DNAJC10: variants seen among roughly 807,000 people sequenced by gnomAD.
DNAJC10 encodes endoplasmic reticulum disulfide reductase DNAJC10.
A neutral mutation model predicts 115.0 loss-of-function variants in DNAJC10; 101 were observed. That is an observed-to-expected ratio of 0.88 (90% confidence interval 0.75 to 1.04). The LOEUF (loss-of-function observed/expected upper bound fraction) is 1.04. DNAJC10 is among the 50% of genes least tolerant of loss of function. DNAJC10 has a pLI of 0.00. For missense variants in DNAJC10, 981 were observed against 928.8 expected (o/e 1.06, Z -0.73); for synonymous variants, 307 against 301.5 (o/e 1.02, Z -0.19).
At chr2:182,755,250 T>C in intron 17 of DNAJC10, 146 bp downstream of exon 17, 2 of 627,198 alleles carry the variant, frequency 3.2e-6, no homozygotes, top group Non-Finnish European at 5.7e-6. Flanking sequence ...ATTTTTCTAA[T>C]GTTTTACTCT....
chr2:182,718,423 G>T (rs900501776), intron 3 of DNAJC10, 133 bp downstream of exon 3: 44 of 776,034 alleles, frequency 5.7e-5, no homozygotes, highest in Non-Finnish European at 8.1e-5. Flanking sequence ...TTGTATGCTA[G>T]AAACAAAAGC....
chr2:182,779,559 A>C lies in DNAJC10; in HGVS notation c.*2427A>C, dbSNP rs1333270385. 1.3e-5 allele frequency: 2 copies of C among 152,190 alleles called. No homozygotes were observed. The highest frequency in any genetic ancestry group is 4.8e-5 in the African/African-American group (2 of 41,456). The allele number at this position is 152,190 out of a possible 1,614,324, so 9.4% of individuals were successfully genotyped here. ...CAGGATTTTGAATCCAGCCTGGGCAACATAGCAAGACCCCATCTCTAATAA... is the reference window on the plus strand; with the variant it reads ...CAGGATTTTGAATCCAGCCTGGGCACCATAGCAAGACCCCATCTCTAATAA... On this transcript the variant is annotated 3_prime_UTR_variant, in exon 24 of 24. Transcript: ENST00000264065.
Position 182,783,026 on chromosome 2 carries a change from G to A in DNAJC10, c.*5894G>A, listed in dbSNP as rs1694882275. ...CTTGCAGCTTTTGCCCATTCAGTAT[G>A]ATATTGGCTGTGGTTTTGTCATAAA... On this transcript the variant is annotated 3_prime_UTR_variant, in exon 24 of 24. Transcript: ENST00000264065. 1 of 152,152 alleles carries A rather than the reference G, an allele frequency of 6.6e-6. No homozygotes were observed. Among genetic ancestry groups the A allele is most frequent in the Non-Finnish European group, 1.5e-5 (1 of 68,024 alleles). The allele number at this position is 152,152 out of a possible 1,614,324, so 9.4% of individuals were successfully genotyped here. A position where few individuals can be genotyped will look rare whatever the true frequency, so the allele number is the denominator to read the frequency against.
chr2:182,742,405 G>T (rs563445094), intron 13 of DNAJC10, among the ~76,000 whole-genome samples: 1 of 152,156 alleles, frequency 6.6e-6, no homozygotes, highest in African/African-American at 2.4e-5. Context: ...GGCCAAGCTG[G>T]CCTCGAACTC....
rs1218393020 is a variant in DNAJC10, at chr2:182,787,165, TC to T, written c.*10035del. 6.6e-6 allele frequency: 1 copy of T among 152,188 alleles called. No individual in the cohort carries two copies. Among genetic ancestry groups the T allele is most frequent in the Non-Finnish European group, 1.5e-5 (1 of 68,056 alleles). 9.4% of individuals were successfully genotyped at this position (152,188 alleles called of 1,614,324 possible). ...TATTGAAAAAAATCAGTTTTGCAGTTCCACTGGTCAGGTGAATGCCAGAGGA... is the reference window on the plus strand; with the variant it reads ...TATTGAAAAAAATCAGTTTTGCAGTTCACTGGTCAGGTGAATGCCAGAGGA... On this transcript the variant is annotated 3_prime_UTR_variant, in exon 24 of 24. Transcript: ENST00000264065.
Position 182,778,547 on chromosome 2 carries a change from G to A in DNAJC10, c.*1415G>A, listed in dbSNP as rs1036288415. The A allele has an allele frequency of 6.9e-6, 1 of 145,120 alleles. No homozygotes were observed. Among genetic ancestry groups the A allele is most frequent in the East Asian group, 2.0e-4 (1 of 5,014 alleles). The allele number at this position is 145,120 out of a possible 1,614,324, so 9.0% of individuals were successfully genotyped here. Reference sequence around the variant, plus strand: ...AATATGCTTTATTGTGTTTTGAGGAGTTTTCCTTTTTTTCTTTTCAATATC... The same window carrying A: ...AATATGCTTTATTGTGTTTTGAGGAATTTTCCTTTTTTTCTTTTCAATATC... On this transcript the variant is annotated 3_prime_UTR_variant, in exon 24 of 24. Transcript: ENST00000264065.
At position 182,767,842 on chromosome 2, in the gene DNAJC10, G is replaced by A. The variant is rs564478259; in HGVS notation, c.2265+5041G>A. Among the ~76,000 whole-genome samples the A allele has an allele frequency of 4.6e-5, 7 of 152,196 alleles. 1 individual carries two copies. Among genetic ancestry groups the A allele is most frequent in the African/African-American group, 1.7e-4 (7 of 41,544 alleles). ...TGCTCAAACTGCGTTTCAGGAGGCTGTTTTCAGCATTCCTTATCATACTAC... is the reference window on the plus strand; with the variant it reads ...TGCTCAAACTGCGTTTCAGGAGGCTATTTTCAGCATTCCTTATCATACTAC... On this transcript the variant is annotated intron_variant, in intron 22 of 23. Transcript: ENST00000264065.
At position 182,758,914 on chromosome 2, in the gene DNAJC10, T is replaced by C. The variant is rs771273820; in HGVS notation, c.1997+24T>C. On this transcript the variant is annotated intron_variant, in intron 20 of 23. Coordinates refer to ENST00000264065, the MANE Select transcript of DNAJC10 (RefSeq NM_018981.4). ...GGGTGAGTAATTAAAATATATATCA[T>C]TGTATAAAATAGATTCAAAGCCATT... The C allele has an allele frequency of 6.6e-6, 10 of 1,519,942 alleles. No individual in the cohort carries two copies. The East Asian group carries it at 2.3e-4, about 34-fold the overall frequency. 94.2% of individuals were successfully genotyped at this position (1,519,942 alleles called of 1,614,324 possible). A position where few individuals can be genotyped will look rare whatever the true frequency, so the allele number is the denominator to read the frequency against.
intron 4 of DNAJC10, among the ~76,000 whole-genome samples, chr2:182,721,227 T>G (rs866624297): frequency 6.6e-6 from 1 of 152,138 alleles, no homozygotes; most frequent in Non-Finnish European, 1.5e-5. Flanking sequence ...TTTTAGTAAA[T>G]ATGATTTTTT....
intron 16 of DNAJC10, chr2:182,752,600 G>C (rs1445869679): frequency 2.2e-6 from 2 of 928,920 alleles, no homozygotes; most frequent in African/African-American, 1.8e-5. Flanking sequence ...TGAAATCTTT[G>C]TTTAAATGAA....
intron 14 of DNAJC10, among the ~76,000 whole-genome samples, chr2:182,748,815 G>A (rs191393191): frequency 2.4e-4 from 36 of 151,994 alleles, no homozygotes; most frequent in Admixed American, 1.2e-3. Context: ...TTCCCTCTAC[G>A]CACTGCTTTG....
At position 182,729,957 on chromosome 2, in the gene DNAJC10, T is replaced by TA; in HGVS notation, c.727+18dup. On this transcript the variant is annotated intron_variant, in intron 8 of 23. Transcript: ENST00000264065. ...CTTTGGACAGGTAATTTTATTTTCT[T>TA]AATTTGCTTGATTTTCAGGGTATTT... The TA allele has an allele frequency of 6.5e-7, 1 of 1,532,094 alleles. No individual in the cohort carries two copies. The highest frequency in any genetic ancestry group is 8.9e-7 in the Non-Finnish European group (1 of 1,117,646). 94.9% of individuals were successfully genotyped at this position (1,532,094 alleles called of 1,614,324 possible).
At chr2:182,767,287 A>G (rs1286121133) in intron 22 of DNAJC10, among the ~76,000 whole-genome samples, 1 of 152,224 alleles carries the variant, frequency 6.6e-6, no homozygotes, top group Non-Finnish European at 1.5e-5. Context: ...ACCTGCTTCC[A>G]TAACCCTAAA....
At chr2:182,771,202 G>T (rs1467292835) in intron 22 of DNAJC10, among the ~76,000 whole-genome samples, 1 of 152,144 alleles carries the variant, frequency 6.6e-6, no homozygotes, top group South Asian at 2.1e-4. Flanking sequence ...GCTGGATTCA[G>T]TTTGCCAGTA....
chr2:182,744,782 T>G (rs1693820443), intron 14 of DNAJC10, among the ~76,000 whole-genome samples: 1 of 152,160 alleles, frequency 6.6e-6, no homozygotes, highest in Non-Finnish European at 1.5e-5. Flanking sequence ...CATGGTAGAT[T>G]TTGAATCCAA....
intron 5 of DNAJC10, among the ~76,000 whole-genome samples, chr2:182,722,400 A>G (rs1341838166): frequency 6.6e-6 from 1 of 152,154 alleles, no homozygotes; most frequent in Non-Finnish European, 1.5e-5. Context: ...AGAGTTTTGG[A>G]TAAAGGTATA....
chr2:182,724,946 T>C (rs1481035088), intron 5 of DNAJC10, among the ~76,000 whole-genome samples: 2 of 152,140 alleles, frequency 1.3e-5, no homozygotes, highest in East Asian at 1.9e-4. Context: ...TTGCACTTCA[T>C]AGATAATGCA....
At chr2:182,729,116 T>G in intron 7 of DNAJC10, 122 bp downstream of exon 7, 1 of 962,874 alleles carries the variant, frequency 1.0e-6, no homozygotes, top group South Asian at 1.6e-5. Flanking sequence ...AGGTGCCATC[T>G]CACTAGTCTT....
Position 182,791,924 on chromosome 2 carries a change from T to C in DNAJC10, c.*14792T>C, listed in dbSNP as rs528340212. The stretch of plus-strand genomic sequence containing the variant: ...AAGTTATGTTTTGCATTTTACAACA[T>C]ATTGAAGATACACATTTTAAATTTA... On this transcript the variant is annotated 3_prime_UTR_variant, in exon 24 of 24. Transcript: ENST00000264065. The C allele has an allele frequency of 2.0e-5, 3 of 152,320 alleles. No homozygotes were observed. Among genetic ancestry groups the C allele is most frequent in the South Asian group, 4.1e-4 (2 of 4,830 alleles). 9.4% of individuals were successfully genotyped at this position (152,320 alleles called of 1,614,324 possible). A position where few individuals can be genotyped will look rare whatever the true frequency, so the allele number is the denominator to read the frequency against.
Sources: allele counts gnomAD v4.1 joint callset (sites outside exome capture counted in the v4.1 genomes callset), GRCh38; gene constraint gnomAD v4.1.1; transcripts MANE v1.5; gene names NCBI Gene and HGNC (gene_info 2026-07-23, HGNC 2026-07-21).